PTK2: variants seen among roughly 807,000 people sequenced by gnomAD.
PTK2 encodes the protein protein tyrosine kinase 2.
In PTK2, 45 loss-of-function variants were observed where a neutral mutation model predicts 150.1. That is an observed-to-expected ratio of 0.30 (90% CI 0.24 to 0.38). The LOEUF (loss-of-function observed/expected upper bound fraction) is 0.38. Ranked by LOEUF, PTK2 falls within the 10% of genes least tolerant of loss-of-function variation. The pLI is 1.00. For missense variants in PTK2, 919 were observed against 1,307.3 expected (o/e 0.70, Z 4.58); for synonymous variants, 432 against 449.2 (o/e 0.96, Z 0.48).
At chr8:140,882,087 C>T (rs1415643278) in intron 3 of PTK2, among the ~76,000 whole-genome samples, 3 of 152,170 alleles carry the variant, frequency 2.0e-5, no homozygotes, top group Non-Finnish European at 2.9e-5. Flanking sequence ...TTTCTCATTA[C>T]GCATCCATAT....
At chr8:140,869,418 A>G (rs569427272) in intron 4 of PTK2, among the ~76,000 whole-genome samples, 33 of 152,236 alleles carry the variant, frequency 2.2e-4, no homozygotes, top group African/African-American at 7.5e-4. Context: ...TCAACTTCAT[A>G]CTTCCAAAAA....
At chr8:140,758,272 T>G (rs1033749215) in intron 16 of PTK2, among the ~76,000 whole-genome samples, 2 of 152,150 alleles carry the variant, frequency 1.3e-5, no homozygotes. Flanking sequence ...AAATTTTGTT[T>G]GAGACAGGGT....
intron 17 of PTK2, among the ~76,000 whole-genome samples, chr8:140,748,009 G>C (rs2100060456): frequency 6.6e-6 from 1 of 152,128 alleles, no homozygotes; most frequent in South Asian, 2.1e-4. Context: ...AAAAATACCT[G>C]GTGGAAAGCT....
At chr8:140,785,456 T>C (rs7836829) in intron 14 of PTK2, among the ~76,000 whole-genome samples, 6,223 of 152,278 alleles carry the variant, frequency 0.041, 335 homozygotes, top group African/African-American at 0.12. Flanking sequence ...GAGAGAAATG[T>C]ACAGTGCACT....
intron 19 of PTK2, among the ~76,000 whole-genome samples, chr8:140,744,106 T>C (rs1480468329): frequency 6.6e-6 from 1 of 151,654 alleles, no homozygotes; most frequent in African/African-American, 2.4e-5. Context: ...TGGATGAAGT[T>C]TGTATTAATG....
intron 3 of PTK2, among the ~76,000 whole-genome samples, chr8:140,883,684 C>T (rs1030598949): frequency 3.9e-5 from 6 of 152,018 alleles, no homozygotes; most frequent in Admixed American, 2.0e-4. Flanking sequence ...ACACCTAGTA[C>T]GTTTCCTCCT....
intron 4 of PTK2, among the ~76,000 whole-genome samples, chr8:140,867,049 G>GC (rs2100139752): frequency 6.6e-6 from 1 of 152,148 alleles, no homozygotes; most frequent in Admixed American, 6.5e-5. Context: ...GCTTGGGAAG[G>GC]CAAGTGTAGC....
At chr8:140,683,604 T>C (rs1045306022) in intron 27 of PTK2, among the ~76,000 whole-genome samples, 4 of 151,968 alleles carry the variant, frequency 2.6e-5, no homozygotes, top group African/African-American at 9.7e-5. Context: ...TTCCTCAACA[T>C]AATACTGGCA....
chr8:140,716,003 C>A (rs2100039495), intron 23 of PTK2, among the ~76,000 whole-genome samples: 1 of 152,158 alleles, frequency 6.6e-6, no homozygotes, highest in Admixed American at 6.5e-5. Context: ...GTGTTGCATT[C>A]TTTGGTGCTC....
intron 26 of PTK2, among the ~76,000 whole-genome samples, chr8:140,689,626 T>C (rs1441691144): frequency 1.3e-5 from 2 of 152,260 alleles, no homozygotes; most frequent in Admixed American, 6.5e-5. Flanking sequence ...AAATTCACAT[T>C]GAACTATTTA....
At chr8:140,757,019 A>G (rs531049136) in intron 16 of PTK2, among the ~76,000 whole-genome samples, 1 of 152,186 alleles carries the variant, frequency 6.6e-6, no homozygotes, top group East Asian at 1.9e-4. Flanking sequence ...GTAAATTTAG[A>G]TTATGGCTAT....
chr8:140,879,598 G>A (rs749253117), exon 4 of PTK2: 1 of 1,370,546 alleles, frequency 7.3e-7, no homozygotes, highest in Non-Finnish European at 9.6e-7. Flanking sequence ...CAGGCCACAT[G>A]CTTTACTTTG....
chr8:140,834,488 A>C (rs1044883176), intron 7 of PTK2, among the ~76,000 whole-genome samples: 1 of 152,148 alleles, frequency 6.6e-6, no homozygotes, highest in African/African-American at 2.4e-5. Flanking sequence ...CTCTCTCAGG[A>C]CTAACAAAAA....
intron 31 of PTK2, 66 bp downstream of exon 35, chr8:140,664,851 G>A: frequency 6.7e-7 from 1 of 1,496,164 alleles, no homozygotes; most frequent in Non-Finnish European, 9.2e-7. Context: ...AGCACCACAG[G>A]CATCCCTGAA....
chr8:140,659,856 C>A (rs1258783183), intron 31 of PTK2, among the ~76,000 whole-genome samples, 178 bp from the exon 36 acceptor site: 2 of 152,150 alleles, frequency 1.3e-5, no homozygotes, highest in Non-Finnish European at 2.9e-5. Flanking sequence ...AGCCCTGCAC[C>A]AATGAACTTT....
At chr8:140,946,392 G>T (rs1371840118) in intron 1 of PTK2, among the ~76,000 whole-genome samples, 1 of 152,148 alleles carries the variant, frequency 6.6e-6, no homozygotes, top group Non-Finnish European at 1.5e-5. Flanking sequence ...CGAGGAAGAT[G>T]GGGGAGAGGA....
chr8:140,980,812 G>A lies in PTK2; in HGVS notation c.-122+20313C>T, dbSNP rs553325546. On this transcript the variant is annotated intron_variant, in intron 1 of 31. Transcript: ENST00000522684. ...GTCGCCTGGGTTGGTGTGCAGTGGC[G>A]CAATCTTGGCTCACTGCAACCTCCA... Among the ~76,000 whole-genome samples the A allele has an allele frequency of 3.7e-4, 54 of 145,504 alleles. 1 individual carries two copies. The highest frequency in any genetic ancestry group is 2.4e-4 in the Non-Finnish European group (16 of 66,724).
intron 1 of PTK2, chr8:140,927,222 T>C (rs769868342): frequency 3.3e-5 from 5 of 152,222 alleles, no homozygotes; most frequent in Admixed American, 1.3e-4. Flanking sequence ...AACGCTAACA[T>C]TGCCCAAAAC....
intron 1 of PTK2, among the ~76,000 whole-genome samples, chr8:140,993,844 C>G (rs768809155): frequency 1.3e-5 from 2 of 152,162 alleles, no homozygotes; most frequent in Non-Finnish European, 2.9e-5. Context: ...ATCCTCCCAC[C>G]TCAGCTTCCC....
Sources: gnomAD v4.1 joint callset for allele counts (sites outside exome capture counted in the v4.1 genomes callset) on GRCh38, gnomAD v4.1.1 for gene constraint, MANE v1.5 for transcripts, NCBI Gene and HGNC (gene_info 2026-07-23, HGNC 2026-07-21) for gene names.